Variants in LRRC8C observed in about 807,000 individuals in gnomAD.
LRRC8C encodes volume-regulated anion channel subunit LRRC8C.
Under a neutral mutation model 55.3 loss-of-function variants are expected in LRRC8C, and 20 were observed. The observed-to-expected ratio is 0.36, with a 90% CI of 0.25 to 0.53. The LOEUF (loss-of-function observed/expected upper bound fraction) is 0.53, where lower values mean the gene tolerates loss of function less well. Among genes scored for constraint, LRRC8C ranks in the 20% least tolerant of loss-of-function variants. The pLI, the probability that LRRC8C is intolerant of heterozygous loss-of-function variation, is 0.92. For synonymous variants in LRRC8C, 376 were observed against 360.7 expected, an observed-to-expected ratio of 1.04 and a Z score of -0.48; for missense variants, 659 against 951.4, an observed-to-expected ratio of 0.69 and a Z score of 4.04.
intron 2 of LRRC8C, among the ~76,000 whole-genome samples, chr1:89,698,078 C>A (rs1165613595): frequency 1.3e-5 from 2 of 152,000 alleles, no homozygotes; most frequent in East Asian, 3.8e-4. Flanking sequence ...TCTTTTTTAC[C>A]TAGGAATAAA....
chr1:89,631,322 G>C (rs1656102286), upstream of LRRC8C, among the ~76,000 whole-genome samples: 1 of 152,126 alleles, frequency 6.6e-6, no homozygotes, highest in Non-Finnish European at 1.5e-5. Flanking sequence ...ATTTCATCCT[G>C]GTTCACCTGA....
chr1:89,711,662 A>C (rs940729931), intron 2 of LRRC8C, among the ~76,000 whole-genome samples: 1 of 152,224 alleles, frequency 6.6e-6, no homozygotes, highest in Non-Finnish European at 1.5e-5. Context: ...AAAAGGGTGC[A>C]TTCATTCTCT....
chr1:89,680,986 A>T (rs1205512801), intron 1 of LRRC8C, among the ~76,000 whole-genome samples: 2 of 152,236 alleles, frequency 1.3e-5, no homozygotes, highest in African/African-American at 4.8e-5. Flanking sequence ...TAAAAATATT[A>T]CACTTCCAAA....
chr1:89,653,354 G>GT (rs202042157), intron 1 of LRRC8C, among the ~76,000 whole-genome samples: 2,395 of 152,290 alleles, frequency 0.016, 58 homozygotes, highest in African/African-American at 0.056. Context: ...AGATGTCAGT[G>GT]TTTAAGTTTT....
chr1:89,660,872 G>A (rs1451368521), intron 1 of LRRC8C, among the ~76,000 whole-genome samples: 1 of 152,190 alleles, frequency 6.6e-6, no homozygotes, highest in Admixed American at 6.5e-5. Context: ...ACAATGGGTT[G>A]TTTCTTCCTA....
chr1:89,714,088 C>T lies in LRRC8C; in HGVS notation c.1518C>T (p.Leu506=), dbSNP rs1351172981. ...LSVKFDDMRE[L]PPWMYGLRNL... is the part of the protein sequence containing the mutation. ...TCAAGTTTGATGACATGAGGGAACT[C>T]CCCCCCTGGATGTATGGGCTCCGAA... The change falls in exon 3 of 3, where the codon CTC becomes CTT. Residue 506 remains leucine, a synonymous_variant. Transcript: ENST00000370454. The surrounding 1 kb of genome is among the most constrained non-coding windows in gnomAD (Gnocchi z 4.6). 1.2e-6 allele frequency: 2 copies of T among 1,613,532 alleles called. No homozygotes were observed. Among genetic ancestry groups the T allele is most frequent in the East Asian group, 2.2e-5 (1 of 44,882 alleles).
In LRRC8C at chr1:89,694,142, CA is replaced by C. The variant is rs543891224; in HGVS notation, c.138+7536del. 1.4e-3 allele frequency among the ~76,000 whole-genome samples: 211 copies of C among 151,974 alleles called. 2 individuals are homozygous for C. Among genetic ancestry groups the C allele is most frequent in the Middle Eastern group, 6.8e-3 (2 of 294 alleles). ...TCAAAACCTCTGTTACATCTAGTAT[CA>C]AAAATATGCCTTAGTTGGGACCTTC... is the stretch of plus-strand genomic sequence containing the variant. On this transcript the variant is annotated intron_variant, in intron 2 of 2. Transcript: ENST00000370454.
chr1:89,661,856 AGAG>A (rs1411647739), intron 1 of LRRC8C, among the ~76,000 whole-genome samples: 2 of 150,068 alleles, frequency 1.3e-5, no homozygotes, highest in Non-Finnish European at 3.0e-5. Context: ...TATCTAAACA[AGAG>A]GAGGGTGAAG....
intron 2 of LRRC8C, among the ~76,000 whole-genome samples, chr1:89,709,914 G>T (rs1330949403): frequency 1.3e-5 from 2 of 152,022 alleles, no homozygotes; most frequent in African/African-American, 2.4e-5. Flanking sequence ...ACCGCGCCCG[G>T]CTAATTTTTT....
At chr1:89,699,280 GA>G (rs1658255641) in intron 2 of LRRC8C, among the ~76,000 whole-genome samples, 1 of 152,164 alleles carries the variant, frequency 6.6e-6, no homozygotes, top group African/African-American at 2.4e-5. Context: ...GCAGTGAAAT[GA>G]CTCTGTAGGA....
At chr1:89,673,052 C>G (rs981301270) in intron 1 of LRRC8C, among the ~76,000 whole-genome samples, 1 of 152,184 alleles carries the variant, frequency 6.6e-6, no homozygotes, top group Non-Finnish European at 1.5e-5. Flanking sequence ...TCAGAACTTC[C>G]AAAGATCTCT....
Position 89,702,619 on chromosome 1 carries a change from A to C in LRRC8C, c.139-10090A>C, listed in dbSNP as rs562222800. On this transcript the variant is annotated intron_variant, in intron 2 of 2. Coordinates refer to ENST00000370454, the MANE Select transcript of LRRC8C (RefSeq NM_032270.5). ...AAAATAAATTTTTTTTTCATTAGCC[A>C]GGCATGGTGGCACACACCTGTAGTC... 2.8e-4 allele frequency among the ~76,000 whole-genome samples: 42 copies of C among 152,194 alleles called. 2 individuals carry two copies. In the South Asian group the frequency reaches 7.7e-3, roughly 28 times the overall value.
At chr1:89,621,544 G>C in the LRRC8C span, among the ~76,000 whole-genome samples, 1 of 152,188 alleles carries the variant, frequency 6.6e-6, no homozygotes, top group African/African-American at 2.4e-5. Flanking sequence ...GGAAACTGGA[G>C]AGGCTGAGCT....
chr1:89,686,705 G>T, intron 2 of LRRC8C, 94 bp downstream of exon 2: 1 of 1,361,012 alleles, frequency 7.3e-7, no homozygotes, highest in Non-Finnish European at 1.0e-6. Context: ...TTTTAACCAT[G>T]TAAGTATTAG....
rs922073619 is a variant in LRRC8C at position 89,719,447 on chromosome 1, G to T, written c.*4465G>T. On this transcript the variant is annotated 3_prime_UTR_variant, in exon 3 of 3. Coordinates refer to ENST00000370454, the MANE Select transcript of LRRC8C (RefSeq NM_032270.5). ...AATGCTTGAAAGTTGATTTGTCATAGTGCAAATTCATGATAAAATGTCTTA... is the reference window on the plus strand; with the variant it reads ...AATGCTTGAAAGTTGATTTGTCATATTGCAAATTCATGATAAAATGTCTTA... 2 of 152,116 alleles carry T rather than the reference G, an allele frequency of 1.3e-5. No individual in the cohort carries two copies. Among genetic ancestry groups the T allele is most frequent in the African/African-American group, 4.8e-5 (2 of 41,406 alleles). The allele number at this position is 152,116 out of a possible 1,614,324, so 9.4% of individuals were successfully genotyped here. A position where few individuals can be genotyped will look rare whatever the true frequency, so the allele number is the denominator to read the frequency against.
intron 2 of LRRC8C, among the ~76,000 whole-genome samples, chr1:89,702,801 A>G (rs1658370433): frequency 6.6e-6 from 1 of 152,194 alleles, no homozygotes; most frequent in Non-Finnish European, 1.5e-5. Context: ...ATGACTTAAG[A>G]GCTGATATAA....
chr1:89,706,950 A>G (rs1397215720), intron 2 of LRRC8C, among the ~76,000 whole-genome samples: 3 of 152,186 alleles, frequency 2.0e-5, no homozygotes, highest in East Asian at 3.8e-4. Flanking sequence ...TAGTGAATCC[A>G]TTTAACCAAT....
intron 2 of LRRC8C, among the ~76,000 whole-genome samples, chr1:89,703,671 CTG>C (rs1204348648): frequency 6.6e-6 from 1 of 151,684 alleles, no homozygotes; most frequent in Non-Finnish European, 1.5e-5. Flanking sequence ...AAAATTTTAA[CTG>C]TACATTTTAA....
At chr1:89,704,110 A>G (rs929292680) in intron 2 of LRRC8C, among the ~76,000 whole-genome samples, 5 of 152,138 alleles carry the variant, frequency 3.3e-5, no homozygotes, top group African/African-American at 1.2e-4. Context: ...TGAGTTTTCT[A>G]ATATGCACAG....
Sources: gnomAD v4.1 joint callset for allele counts (sites outside exome capture counted in the v4.1 genomes callset) on GRCh38, gnomAD v4.1.1 for gene constraint, Gnocchi (gnomAD v3.1) non-coding constraint, MANE v1.5 for transcripts, NCBI Gene and HGNC (gene_info 2026-07-23, HGNC 2026-07-21) for gene names.